Variants in NSMAF observed in about 807,000 individuals in gnomAD.
NSMAF encodes the protein protein FAN.
Under a neutral mutation model 134.9 loss-of-function variants are expected in NSMAF, and 90 were observed. The observed-to-expected ratio is 0.67, with a 90% confidence interval of 0.56 to 0.79. The LOEUF is 0.79. NSMAF is among the 30% of genes least tolerant of loss of function. The pLI, the probability that NSMAF is intolerant of heterozygous loss-of-function variation, is 0.00. For synonymous variants in NSMAF, 358 were observed against 389.6 expected (o/e 0.92, Z 0.96); for missense variants, 1,010 against 1,119.0 (o/e 0.90, Z 1.39).
rs140579437 is a variant in NSMAF at position 58,599,762 on chromosome 8, G to C, written c.1441C>G (p.Pro481Ala). ...GQMVDDVELPPWASSPEDFLQ... is the reference protein window; with the variant it reads ...GQMVDDVELPAWASSPEDFLQ... ...AGGGGGGACTCACTGGAAGCCCAAG[G>C]GGGAAGCTCCACGTCGTCAACCATC... Residue 481 changes from proline (P) to alanine (A), a missense_variant, in exon 18 of 31, where the codon CCT becomes GCT. By Grantham distance (27) the Pro-to-Ala change is conservative. Transcript: ENST00000038176. 1,486 of 1,614,010 alleles carry C rather than the reference G, an allele frequency of 9.2e-4. 14 individuals carry two copies. In the African/African-American group the frequency reaches 0.017, roughly 19 times the overall value.
At chr8:58,609,092 C>T (rs570879166) in intron 10 of NSMAF, among the ~76,000 whole-genome samples, 19 of 152,278 alleles carry the variant, frequency 1.2e-4, no homozygotes, top group East Asian at 7.7e-4. Context: ...AACTGCCAGA[C>T]GGCAGGATCT....
At chr8:58,603,931 G>A (rs190551158) in intron 12 of NSMAF, among the ~76,000 whole-genome samples, 7 of 152,214 alleles carry the variant, frequency 4.6e-5, no homozygotes, top group East Asian at 3.9e-4. Context: ...CGTTTGGCAG[G>A]AGGACCAATT....
chr8:58,632,472 G>C (rs1025632749), intron 5 of NSMAF, among the ~76,000 whole-genome samples: 26 of 152,166 alleles, frequency 1.7e-4, no homozygotes, highest in African/African-American at 6.3e-4. Context: ...ATGTGACAGA[G>C]CTGATGGCTC....
At chr8:58,639,942 AAAG>A (rs1435521524) in intron 2 of NSMAF, 1 of 363,366 alleles carries the variant, frequency 2.8e-6, no homozygotes, top group African/African-American at 2.1e-5. Flanking sequence ...AGTTTAATTC[AAAG>A]AAGAGACAAG....
rs1806295647 is a variant in NSMAF, at chr8:58,602,039, A to T, written c.1125+19T>A. On this transcript the variant is annotated intron_variant, in intron 14 of 30. Transcript: ENST00000038176. ...CTTCTCGTGTTGCTTAGAAACCAAGAATCTCTAAGTCCACATACCAGTAGT... is the reference window on the plus strand; with the variant it reads ...CTTCTCGTGTTGCTTAGAAACCAAGTATCTCTAAGTCCACATACCAGTAGT... 1.3e-6 allele frequency: 2 copies of T among 1,589,388 alleles called. No homozygotes were observed. Among genetic ancestry groups the T allele is most frequent in the African/African-American group, 1.4e-5 (1 of 74,024 alleles).
intron 1 of NSMAF, among the ~76,000 whole-genome samples, chr8:58,657,700 AT>A (rs1233875256): frequency 3.9e-5 from 6 of 152,262 alleles, no homozygotes; most frequent in African/African-American, 1.4e-4. Flanking sequence ...TTGCAAAGCC[AT>A]GGGGCAGAGC....
intron 1 of NSMAF, among the ~76,000 whole-genome samples, chr8:58,645,860 G>A (rs1285186028): frequency 6.6e-6 from 1 of 152,108 alleles, no homozygotes; most frequent in Non-Finnish European, 1.5e-5. Flanking sequence ...GGTCAACATG[G>A]TGAAACCACC....
At chr8:58,607,723 T>C in intron 11 of NSMAF, 46 bp downstream of exon 11, 5 of 1,461,842 alleles carry the variant, frequency 3.4e-6, no homozygotes, top group Non-Finnish European at 4.8e-6. Context: ...CTGGCTAAAC[T>C]GAAAGTGTGA....
chr8:58,637,986 A>C (rs1807241808), intron 2 of NSMAF, among the ~76,000 whole-genome samples: 1 of 152,256 alleles, frequency 6.6e-6, no homozygotes, highest in African/African-American at 2.4e-5. Context: ...TTTTAACAGA[A>C]ACAGAAAAAA....
chr8:58,589,388 T>A, intron 26 of NSMAF, 64 bp downstream of exon 26: 1 of 1,305,628 alleles, frequency 7.7e-7, no homozygotes, highest in African/African-American at 1.5e-5. Context: ...CATTTTAAGC[T>A]AAAAATTATA....
At chr8:58,589,772 A>G (rs749059441) in intron 25 of NSMAF, 197 bp from the exon 26 acceptor site, 6 of 648,282 alleles carry the variant, frequency 9.3e-6, no homozygotes, top group Non-Finnish European at 1.5e-5. Context: ...TGTCTGGCTC[A>G]TCTGTTTTCT....
intron 10 of NSMAF, among the ~76,000 whole-genome samples, chr8:58,608,156 A>G (rs1047168017): frequency 6.6e-6 from 1 of 152,230 alleles, no homozygotes; most frequent in African/African-American, 2.4e-5. Flanking sequence ...TTGTGGGGTG[A>G]TAAGAAATAT....
chr8:58,641,737 T>C (rs1228153764), intron 2 of NSMAF, among the ~76,000 whole-genome samples: 1 of 152,212 alleles, frequency 6.6e-6, no homozygotes, highest in Non-Finnish European at 1.5e-5. Flanking sequence ...TAACTGCCAG[T>C]TCTCTTTGAA....
rs1805838327 is a variant in NSMAF at position 58,584,462 on chromosome 8, T to G, written c.2660-262A>C. Among the ~76,000 whole-genome samples, 3 of 152,258 alleles carry G rather than the reference T, an allele frequency of 2.0e-5. No homozygotes were observed. In the South Asian group the frequency reaches 6.2e-4, roughly 32 times the overall value. ...ACTGGGAATTATGGATATAGAACAA[T>G]GCAAATAAATACCTTGGCGAAGTAA... On this transcript the variant is annotated intron_variant, in intron 30 of 30. Transcript: ENST00000038176.
intron 25 of NSMAF, 128 bp downstream of exon 25, chr8:58,589,878 TA>T: frequency 1.4e-6 from 1 of 729,466 alleles, no homozygotes; most frequent in Non-Finnish European, 2.3e-6. Flanking sequence ...TCCTCATCTC[TA>T]ATATCTGTTC....
intron 1 of NSMAF, among the ~76,000 whole-genome samples, chr8:58,656,473 A>C (rs1202365640): frequency 6.6e-6 from 1 of 152,242 alleles, no homozygotes; most frequent in Non-Finnish European, 1.5e-5. Flanking sequence ...TGTTTAGCAA[A>C]TAAAAATATC....
intron 23 of NSMAF, among the ~76,000 whole-genome samples, chr8:58,593,384 T>C (rs930936805): frequency 6.6e-6 from 1 of 152,124 alleles, no homozygotes; most frequent in East Asian, 1.9e-4. Flanking sequence ...AATCTGAGAG[T>C]AGTAATTCTG....
chr8:58,634,504 T>A (rs1028872849), intron 5 of NSMAF, among the ~76,000 whole-genome samples: 13 of 152,154 alleles, frequency 8.5e-5, no homozygotes, highest in African/African-American at 3.1e-4. Context: ...CCAGAACAAT[T>A]CTTCTCTGAA....
Position 58,626,342 on chromosome 8 carries a change from C to A in NSMAF, c.385-2562G>T, listed in dbSNP as rs538611694. Among the ~76,000 whole-genome samples the A allele has an allele frequency of 2.0e-5, 3 of 152,272 alleles. No homozygotes were observed. In the South Asian group the frequency reaches 6.2e-4, roughly 32 times the overall value. ...ATCTCCTGACCTCGTGATCTGCCCA[C>A]CTTGGCCTCCCAAAGTGCTGGGATT... On this transcript the variant is annotated intron_variant, in intron 6 of 30. Transcript: ENST00000038176.
Sources: allele counts gnomAD v4.1 joint callset (sites outside exome capture counted in the v4.1 genomes callset), GRCh38; gene constraint gnomAD v4.1.1; transcripts MANE v1.5; gene names NCBI Gene and HGNC (gene_info 2026-07-23, HGNC 2026-07-21).